Variants in USP48 observed in about 807,000 individuals in gnomAD.
USP48 encodes the protein ubiquitin specific peptidase 48.
In USP48, 43 loss-of-function variants were observed where a neutral mutation model predicts 150.7. The observed-to-expected ratio is 0.29, with a 90% confidence interval of 0.22 to 0.37. The LOEUF (loss-of-function observed/expected upper bound fraction) is 0.37, where lower values mean the gene tolerates loss of function less well. USP48 is among the 10% of genes least tolerant of loss of function. The probability of loss-of-function intolerance (pLI) is 1.00; values close to 1 mark genes in which losing one functional copy is unlikely to be tolerated. For missense variants in USP48, 813 were observed against 1,249.6 expected, an observed-to-expected ratio of 0.65 and a Z score of 5.27; for synonymous variants, 396 against 425.9, an observed-to-expected ratio of 0.93 and a Z score of 0.86.
In USP48 at chr1:21,690,014, C is replaced by G; in HGVS notation, c.2969G>C (p.Gly990Ala). The change falls in exon 24 of 27, where the codon GGC becomes GCC. Residue 990 changes from glycine to alanine, a missense_variant. Transcript: ENST00000308271. ...AGATTCAGGAATGACGCCAAGGGTG[C>G]CTAGGGTGGCACAGTCATCACTTAA... ...KILSDDCATLGTLGVIPESVI... is the reference protein window; with the variant it reads ...KILSDDCATLATLGVIPESVI... The G allele has an allele frequency of 6.2e-7, 1 of 1,614,076 alleles. No individual in the cohort carries two copies. Among genetic ancestry groups the G allele is most frequent in the Non-Finnish European group, 8.5e-7 (1 of 1,180,002 alleles).
At chr1:21,753,837 A>AC (rs1213252533) in intron 3 of USP48, among the ~76,000 whole-genome samples, 8 of 150,458 alleles carry the variant, frequency 5.3e-5, no homozygotes, top group Non-Finnish European at 7.4e-5. Context: ...AAAAAAAAAA[A>AC]AAAAAAAAAA....
intron 15 of USP48, among the ~76,000 whole-genome samples, chr1:21,713,467 C>T (rs542723051): frequency 2.6e-5 from 4 of 152,292 alleles, no homozygotes; most frequent in Admixed American, 6.5e-5. Context: ...AAGCAACATT[C>T]GGCTTTGCCA....
At chr1:21,766,876 C>A (rs1366695434) in intron 1 of USP48, among the ~76,000 whole-genome samples, 1 of 151,984 alleles carries the variant, frequency 6.6e-6, no homozygotes, top group Non-Finnish European at 1.5e-5. Flanking sequence ...ATCAGCCTGG[C>A]CAACATGGCA....
chr1:21,738,408 T>A (rs1329626881), intron 8 of USP48, among the ~76,000 whole-genome samples: 7 of 145,646 alleles, frequency 4.8e-5, no homozygotes, highest in Non-Finnish European at 1.0e-4. Flanking sequence ...CAGGCCAGAG[T>A]GCAATGGTGT....
At chr1:21,754,631 C>T (rs1305572411) in intron 3 of USP48, among the ~76,000 whole-genome samples, 2 of 152,170 alleles carry the variant, frequency 1.3e-5, no homozygotes, top group Non-Finnish European at 2.9e-5. Context: ...TTTGGTTGTG[C>T]CTCTGTCACC....
At chr1:21,756,073 G>T (rs146016524) in intron 3 of USP48, among the ~76,000 whole-genome samples, 1 of 151,922 alleles carries the variant, frequency 6.6e-6, no homozygotes, top group African/African-American at 2.4e-5. Context: ...GCTGAGGCAG[G>T]AGAATTGCTT....
chr1:21,778,161 AAAAC>A (rs2097904781), intron 1 of USP48, among the ~76,000 whole-genome samples: 1 of 151,816 alleles, frequency 6.6e-6, no homozygotes, highest in African/African-American at 2.4e-5. Context: ...AAACAAAACA[AAAAC>A]AAGACCAAAA....
Position 21,679,194 on chromosome 1 carries a change from A to G in USP48, c.*223T>C. On this transcript the variant is annotated 3_prime_UTR_variant, in exon 27 of 27. Transcript: ENST00000308271. ...CCCCCTCCCACCCACCACCCCCCTT[A>G]AATATAAAATTGGAAACATTTCCTT... 5.4e-6 allele frequency: 2 copies of G among 371,144 alleles called. No individual in the cohort carries two copies. The highest frequency in any genetic ancestry group is 6.3e-5 in the East Asian group (1 of 15,804). 23.0% of individuals were successfully genotyped at this position (371,144 alleles called of 1,614,324 possible). A position where few individuals can be genotyped will look rare whatever the true frequency, so the allele number is the denominator to read the frequency against.
rs766051149 is a variant in USP48 at position 21,678,603 on chromosome 1, G to A, written c.*814C>T. 5.9e-5 allele frequency: 9 copies of A among 152,180 alleles called. No homozygotes were observed. The highest frequency in any genetic ancestry group is 5.9e-5 in the Non-Finnish European group (4 of 68,036). The allele number at this position is 152,180 out of a possible 1,614,324, so 9.4% of individuals were successfully genotyped here. A position where few individuals can be genotyped will look rare whatever the true frequency, so the allele number is the denominator to read the frequency against. ...GTCTGATTTACTCTTCTGATAGGTA[G>A]TCAGATTTTTTATTTTCAAACGTGC... On this transcript the variant is annotated 3_prime_UTR_variant, in exon 27 of 27. Transcript: ENST00000308271.
chr1:21,701,670 G>C (rs1448635249), intron 21 of USP48, 68 bp from the exon 22 acceptor site: 1 of 1,374,892 alleles, frequency 7.3e-7, no homozygotes, highest in Non-Finnish European at 1.0e-6. Context: ...GAGGATGTGG[G>C]GGCTGGGACC....
rs1265175912 is a variant in USP48 at position 21,680,944 on chromosome 1, T to C, written c.3059-110A>G. On this transcript the variant is annotated intron_variant, in intron 25 of 26. Coordinates refer to ENST00000308271, the MANE Select transcript of USP48 (RefSeq NM_032236.8). Reference sequence around the variant, plus strand: ...AGTTTAAAATAACTTTTGATTACCTTTGTCACCTGTAATAATCATCTTTGA... The same window carrying C: ...AGTTTAAAATAACTTTTGATTACCTCTGTCACCTGTAATAATCATCTTTGA... The C allele has an allele frequency of 6.5e-6, 5 of 763,428 alleles. No homozygotes were observed. In the Admixed American group the frequency reaches 1.6e-4, roughly 24 times the overall value. The allele number at this position is 763,428 out of a possible 1,614,324, so 47.3% of individuals were successfully genotyped here. A position where few individuals can be genotyped will look rare whatever the true frequency, so the allele number is the denominator to read the frequency against.
intron 12 of USP48, 62 bp from the exon 13 acceptor site, chr1:21,721,826 A>C: frequency 7.9e-7 from 1 of 1,267,506 alleles, no homozygotes; most frequent in South Asian, 1.7e-5. Flanking sequence ...TGTTAGGAAA[A>C]TGTTTTCAGC....
At chr1:21,738,635 G>T (rs7541528) in intron 8 of USP48, among the ~76,000 whole-genome samples, 3 of 151,406 alleles carry the variant, frequency 2.0e-5, no homozygotes, top group South Asian at 2.1e-4. Context: ...TGGGATTACA[G>T]GTGTGAGCCA....
chr1:21,697,411 C>T (rs1228935199), intron 22 of USP48, among the ~76,000 whole-genome samples: 5 of 151,944 alleles, frequency 3.3e-5, no homozygotes, highest in Non-Finnish European at 7.4e-5. Context: ...TGCCTGTAAT[C>T]CCAGCACTTT....
chr1:21,706,438 C>G, intron 17 of USP48, 29 bp downstream of exon 17: 1 of 1,613,048 alleles, frequency 6.2e-7, no homozygotes, highest in Non-Finnish European at 8.5e-7. Flanking sequence ...AGAAAAGATG[C>G]ATTCTTTCTT....
chr1:21,732,035 G>A (rs570784441), intron 9 of USP48, among the ~76,000 whole-genome samples: 2 of 152,230 alleles, frequency 1.3e-5, no homozygotes, highest in African/African-American at 4.8e-5. Flanking sequence ...TTTCCGAGAG[G>A]TAAGGGATTA....
chr1:21,745,732 C>G (rs762756768), intron 8 of USP48, among the ~76,000 whole-genome samples: 1 of 152,102 alleles, frequency 6.6e-6, no homozygotes, highest in Non-Finnish European at 1.5e-5. Flanking sequence ...ACAATTCAAA[C>G]TCATCCAGTC....
intron 25 of USP48, among the ~76,000 whole-genome samples, chr1:21,684,028 C>T (rs1273786781): frequency 1.3e-5 from 2 of 152,172 alleles, no homozygotes; most frequent in Admixed American, 1.3e-4. Context: ...CATATCAAGG[C>T]ATCTACTGAT....
chr1:21,696,707 G>A (rs2097633117), intron 22 of USP48, among the ~76,000 whole-genome samples: 1 of 152,102 alleles, frequency 6.6e-6, no homozygotes, highest in South Asian at 2.1e-4. Context: ...ACTACCTAAA[G>A]GTGCTGTAAA....
Sources: gnomAD v4.1 joint callset for allele counts (sites outside exome capture counted in the v4.1 genomes callset) on GRCh38, gnomAD v4.1.1 for gene constraint, MANE v1.5 for transcripts, NCBI Gene and HGNC (gene_info 2026-07-23, HGNC 2026-07-21) for gene names.